The following RIPK1 variants were observed in gnomAD, a reference collection of about 807,000 sequenced individuals.
RIPK1 encodes the protein receptor interacting serine/threonine kinase 1.
Under a neutral mutation model 62.4 loss-of-function variants are expected in RIPK1, and 27 were observed. That is an observed-to-expected ratio of 0.43 (90% CI 0.32 to 0.60). The LOEUF is 0.60. RIPK1 is among the 20% of genes least tolerant of loss of function. The pLI is 0.07. For synonymous variants in RIPK1, 287 were observed against 303.2 expected (o/e 0.95, Z 0.55); for missense variants, 735 against 831.0 (o/e 0.88, Z 1.42).
chr6:3,069,071 C>A (rs1758551486), intron 1 of RIPK1, among the ~76,000 whole-genome samples: 1 of 152,220 alleles, frequency 6.6e-6, no homozygotes, highest in African/African-American at 2.4e-5. Context: ...GAGGTCGGGG[C>A]GCTGGACTGG....
At chr6:3,094,463 T>C (rs769186312) in intron 7 of RIPK1, among the ~76,000 whole-genome samples, 2 of 151,742 alleles carry the variant, frequency 1.3e-5, no homozygotes, top group Middle Eastern at 3.2e-3. Context: ...AAAAAATAAA[T>C]CACAATGGTA....
At chr6:3,095,788 A>G (rs1760259159) in intron 7 of RIPK1, among the ~76,000 whole-genome samples, 1 of 152,218 alleles carries the variant, frequency 6.6e-6, no homozygotes, top group Non-Finnish European at 1.5e-5. Flanking sequence ...TTTTCTGATA[A>G]TAAGGTATCT....
chr6:3,095,916 C>T (rs948213657), intron 7 of RIPK1, among the ~76,000 whole-genome samples: 1 of 150,402 alleles, frequency 6.6e-6, no homozygotes, highest in Non-Finnish European at 1.5e-5. Flanking sequence ...GTGATCACGG[C>T]TTACTGTATC....
chr6:3,078,071 C>CT (rs1759188420), intron 3 of RIPK1, 136 bp downstream of exon 3: 12 of 823,194 alleles, frequency 1.5e-5, no homozygotes, highest in Admixed American at 1.1e-4. Flanking sequence ...TTTTCTTTTC[C>CT]TTTTTTTATA....
intron 9 of RIPK1, among the ~76,000 whole-genome samples, chr6:3,109,753 C>T (rs1761056936): frequency 6.6e-6 from 1 of 152,162 alleles, no homozygotes. Flanking sequence ...TTTAATCTTG[C>T]AAAACTAAAA....
At chr6:3,089,178 G>A (rs1342680981) in intron 6 of RIPK1, among the ~76,000 whole-genome samples, 3 of 152,284 alleles carry the variant, frequency 2.0e-5, no homozygotes, top group Admixed American at 2.0e-4. Flanking sequence ...AAGGCTAACA[G>A]CTGTAACCCA....
upstream of RIPK1, among the ~76,000 whole-genome samples, chr6:3,065,855 G>C (rs146288376): frequency 6.6e-6 from 1 of 152,270 alleles, no homozygotes; most frequent in East Asian, 1.9e-4. Flanking sequence ...TTTGCTGGGA[G>C]TAATGAGTAA....
chr6:3,088,263 C>T (rs1306788578), intron 6 of RIPK1, among the ~76,000 whole-genome samples: 1 of 152,192 alleles, frequency 6.6e-6, no homozygotes, highest in African/African-American at 2.4e-5. Flanking sequence ...TTATTGACAC[C>T]TAAGGTCAGA....
chr6:3,067,667 C>T (rs1758442559), upstream of RIPK1, among the ~76,000 whole-genome samples: 1 of 150,938 alleles, frequency 6.6e-6, no homozygotes, highest in South Asian at 2.1e-4. Context: ...TTCTCCCAGT[C>T]TGTGGCTCGT....
chr6:3,079,241 G>A (rs1759252671), intron 3 of RIPK1, among the ~76,000 whole-genome samples: 1 of 152,126 alleles, frequency 6.6e-6, no homozygotes, highest in Admixed American at 6.6e-5. Context: ...CACCATGCCT[G>A]GCTATTTTTT....
intron 7 of RIPK1, among the ~76,000 whole-genome samples, chr6:3,090,721 G>A (rs558196047): frequency 5.3e-5 from 8 of 152,096 alleles, no homozygotes; most frequent in East Asian, 3.9e-4. Context: ...CACACTTGAC[G>A]TAACGGAAAC....
intron 9 of RIPK1, among the ~76,000 whole-genome samples, chr6:3,106,853 G>A (rs990710381): frequency 6.6e-6 from 1 of 152,244 alleles, no homozygotes; most frequent in African/African-American, 2.4e-5. Context: ...ATAATCCTAT[G>A]AGCAGAATGT....
Position 3,105,840 on chromosome 6 carries a change from C to T in RIPK1, c.1365C>T (p.Leu455=). The part of the protein sequence containing the change: ...HGNAVHQPSG[L]TSQPQVLYQN... Reference sequence around the variant, plus strand: ...ATGCAGTGCACCAGCCCTCAGGGCTCACCAGCCAACCTCAAGTACTGTATC... The same window carrying T: ...ATGCAGTGCACCAGCCCTCAGGGCTTACCAGCCAACCTCAAGTACTGTATC... Residue 455 remains leucine, a synonymous_variant, in exon 9 of 11, where the codon CTC becomes CTT. Transcript: ENST00000259808. The surrounding 1 kb of genome is among the most constrained non-coding windows in gnomAD (Gnocchi z 4.5). 1 of 1,614,148 alleles carries T rather than the reference C, an allele frequency of 6.2e-7. No individual in the cohort carries two copies. Among genetic ancestry groups the T allele is most frequent in the East Asian group, 2.2e-5 (1 of 44,882 alleles).
chr6:3,086,782 ACTAAATCATGGTCATTGGTGCTTGAG>A (rs1191124141), intron 6 of RIPK1, among the ~76,000 whole-genome samples: 6 of 152,176 alleles, frequency 3.9e-5, no homozygotes, highest in Admixed American at 3.9e-4. Flanking sequence ...CGCATGACTG[ACTAAATCATGGTCATTGGTGCTTGAG>A]CTTAATCTCC....
chr6:3,079,149 G>A (rs574372816), intron 3 of RIPK1, among the ~76,000 whole-genome samples: 3 of 151,934 alleles, frequency 2.0e-5, no homozygotes, highest in South Asian at 4.2e-4. Flanking sequence ...GTGCAATCTC[G>A]GCTCACTGCA....
upstream of RIPK1, among the ~76,000 whole-genome samples, chr6:3,065,543 G>A (rs1398294478): frequency 2.6e-5 from 4 of 152,006 alleles, no homozygotes; most frequent in Non-Finnish European, 4.4e-5. Flanking sequence ...GTGTGGGGGA[G>A]GAGGGGGAGA....
intron 6 of RIPK1, among the ~76,000 whole-genome samples, chr6:3,087,123 A>G (rs1759739131): frequency 6.6e-6 from 1 of 152,084 alleles, no homozygotes; most frequent in South Asian, 2.1e-4. Flanking sequence ...CTTATAGGGA[A>G]GGTGTTATTT....
intron 10 of RIPK1, 135 bp from the exon 11 acceptor site, chr6:3,112,918 C>T (rs916068871): frequency 7.8e-5 from 51 of 651,852 alleles, no homozygotes; most frequent in Admixed American, 6.2e-4. Context: ...GCATCAACAG[C>T]TATATAACTA....
At chr6:3,102,666 T>C (rs1297897946) in intron 7 of RIPK1, among the ~76,000 whole-genome samples, 1 of 152,182 alleles carries the variant, frequency 6.6e-6, no homozygotes, top group African/African-American at 2.4e-5. Context: ...AGTGGCACCA[T>C]CTCGGCTCAC....
Sources: allele counts gnomAD v4.1 joint callset (sites outside exome capture counted in the v4.1 genomes callset), GRCh38; gene constraint gnomAD v4.1.1; non-coding constraint Gnocchi (gnomAD v3.1); transcripts MANE v1.5; gene names NCBI Gene and HGNC (gene_info 2026-07-23, HGNC 2026-07-21).